Variants in PCDHA5 observed in about 807,000 individuals in gnomAD.
PCDHA5 encodes the protein protocadherin alpha 5.
In PCDHA5, 43 loss-of-function variants were observed where a neutral mutation model predicts 61.6. The ratio of observed to expected loss-of-function variants is 0.70; its 90% CI spans 0.55 to 0.90. PCDHA5 has a LOEUF of 0.90. Among genes scored for constraint, PCDHA5 ranks in the 40% least tolerant of loss-of-function variants. The pLI, the probability that PCDHA5 is intolerant of heterozygous loss-of-function variation, is 0.00. For missense variants in PCDHA5, 1,298 were observed against 1,222.7 expected (o/e 1.06, Z -0.92); for synonymous variants, 627 against 543.9 (o/e 1.15, Z -2.13).
intron 1 of PCDHA5, among the ~76,000 whole-genome samples, chr5:140,933,321 C>T (rs1266539168): frequency 2.6e-5 from 4 of 151,928 alleles, no homozygotes; most frequent in Non-Finnish European, 5.9e-5. Context: ...CTCGTATTCT[C>T]CTGTGCTGTA....
Position 140,842,183 on chromosome 5 carries a change from A to G in PCDHA5, c.2352+18056A>G, listed in dbSNP as rs1554138845. On this transcript the variant is annotated intron_variant, in intron 1 of 3. Transcript: ENST00000529859. ...TTCTTTTAATAGCCTTGTTGAAACT[A>G]TGGTTATTGACCACTTTAGCATAGA... is the stretch of plus-strand genomic sequence containing the variant. The G allele has an allele frequency of 1.9e-6, 3 of 1,613,754 alleles. No individual in the cohort carries two copies. In the East Asian group the frequency reaches 6.7e-5, roughly 36 times the overall value.
intron 1 of PCDHA5, chr5:140,926,752 C>T (rs1176032200): frequency 8.0e-7 from 1 of 1,254,344 alleles, no homozygotes; most frequent in Admixed American, 3.6e-5. Context: ...CGTCGGCGGT[C>T]GCTGAGTATC....
intron 1 of PCDHA5, chr5:140,836,379 C>T (rs2150259226): frequency 6.2e-7 from 1 of 1,613,734 alleles, no homozygotes; most frequent in Non-Finnish European, 8.5e-7. Context: ...AGCCACCGTG[C>T]TGGTGTCGCT....
chr5:140,823,478 GA>G lies in PCDHA5; in HGVS notation c.1704del (p.Val569TrpfsTer8). 1.2e-6 allele frequency: 2 copies of G among 1,613,472 alleles called. No individual in the cohort carries two copies. The highest frequency in any genetic ancestry group is 4.5e-5 in the East Asian group (2 of 44,864). On this transcript the variant is annotated frameshift_variant, in exon 1 of 4. Transcript: ENST00000529859. LOFTEE classifies it high-confidence loss of function. ...AACGCGCCGGCGCTGCTGGTGCCTC[GA>G]GTGGGTGGCACCGGCGGCGCAGTGA... ...NDNAPALLVPRVGGTGGAVSE... is the reference protein window; with the variant it reads ...NDNAPALLVPXVGGTGGAVSE...
chr5:140,836,185 C>T, intron 1 of PCDHA5: 1 of 1,613,828 alleles, frequency 6.2e-7, no homozygotes, highest in Non-Finnish European at 8.5e-7. Context: ...GACGCTGACT[C>T]AGGCTACAAC....
rs1215327894 is a variant in PCDHA5 at position 140,868,871 on chromosome 5, A to T, written c.2352+44744A>T. On this transcript the variant is annotated intron_variant, in intron 1 of 3. Transcript: ENST00000529859. ...TTCTGTGGTGGTAAATGCAGTGCAC[A>T]GTACTCACAGTTTTAGGCGCAAGGT... 4.8e-6 allele frequency: 3 copies of T among 625,152 alleles called. No homozygotes were observed. In the Admixed American group the frequency reaches 9.8e-5, roughly 20 times the overall value. 38.7% of individuals were successfully genotyped at this position (625,152 alleles called of 1,614,324 possible).
chr5:140,967,278 G>A (rs2096121968), intron 1 of PCDHA5: 1 of 1,613,290 alleles, frequency 6.2e-7, no homozygotes. Flanking sequence ...CACATAGAGA[G>A]TGCGCAGGAC....
chr5:140,850,048 A>G (rs1554143688), intron 1 of PCDHA5: 1 of 1,596,376 alleles, frequency 6.3e-7, no homozygotes, highest in Admixed American at 1.7e-5. Flanking sequence ...GGCAAGGTGT[A>G]CGCGCTGCAG....
At chr5:140,851,866 C>G in intron 1 of PCDHA5, 1 of 976,572 alleles carries the variant, frequency 1.0e-6, no homozygotes, top group Non-Finnish European at 1.2e-6. Flanking sequence ...TCATACATAA[C>G]ACAAGGCAGA....
intron 1 of PCDHA5, among the ~76,000 whole-genome samples, chr5:140,887,801 G>C (rs1377550372): frequency 1.3e-5 from 2 of 151,856 alleles, no homozygotes; most frequent in Admixed American, 1.3e-4. Context: ...CTTTATTTTT[G>C]TCCATTTCTT....
At chr5:140,870,838 C>T (rs1554164743) in intron 1 of PCDHA5, 4 of 1,613,700 alleles carry the variant, frequency 2.5e-6, no homozygotes, top group Admixed American at 3.3e-5. Context: ...AGTTAACAAG[C>T]TAGTACCGCG....
At chr5:140,827,748 C>A (rs1290868920) in intron 1 of PCDHA5, among the ~76,000 whole-genome samples, 1 of 152,166 alleles carries the variant, frequency 6.6e-6, no homozygotes, top group Non-Finnish European at 1.5e-5. Context: ...AATTAGATCC[C>A]TTACTTTAAA....
intron 1 of PCDHA5, chr5:140,861,513 T>C: frequency 2.1e-6 from 1 of 470,750 alleles, no homozygotes; most frequent in East Asian, 6.2e-5. Flanking sequence ...CGAGGAGCTG[T>C]GTGGGAGGAT....
At chr5:140,976,818 G>A (rs782290955) in intron 1 of PCDHA5, among the ~76,000 whole-genome samples, 5 of 152,208 alleles carry the variant, frequency 3.3e-5, no homozygotes, top group Admixed American at 6.5e-5. Flanking sequence ...ATATGCATGT[G>A]TCTAATGAGC....
At chr5:140,942,544 G>A (rs546340510) in intron 1 of PCDHA5, among the ~76,000 whole-genome samples, 105 of 152,118 alleles carry the variant, frequency 6.9e-4, no homozygotes, top group African/African-American at 2.5e-3. Flanking sequence ...TATGGTGGGG[G>A]GTAGGGGGTT....
chr5:140,972,893 A>T (rs1452751778), intron 1 of PCDHA5, among the ~76,000 whole-genome samples: 1 of 151,858 alleles, frequency 6.6e-6, no homozygotes, highest in African/African-American at 2.4e-5. Context: ...CGATCTCTTG[A>T]CCTTGTGATC....
intron 1 of PCDHA5, chr5:140,857,268 T>C (rs1554149751): frequency 3.1e-6 from 5 of 1,598,704 alleles, no homozygotes; most frequent in Non-Finnish European, 3.4e-6. Flanking sequence ...TACTCATTGG[T>C]GCTGGACAGC....
intron 1 of PCDHA5, among the ~76,000 whole-genome samples, chr5:140,919,331 A>G (rs2079089725): frequency 6.6e-6 from 1 of 152,026 alleles, no homozygotes; most frequent in Non-Finnish European, 1.5e-5. Context: ...TTTACTTTCA[A>G]TCTGTTTGTA....
chr5:140,842,399 C>G, intron 1 of PCDHA5: 1 of 1,611,446 alleles, frequency 6.2e-7, no homozygotes, highest in Non-Finnish European at 8.5e-7. Flanking sequence ...CTTGCCTGTA[C>G]GTGAAGACGC....
Sources: allele counts gnomAD v4.1 joint callset (sites outside exome capture counted in the v4.1 genomes callset), GRCh38; gene constraint gnomAD v4.1.1; transcripts MANE v1.5; gene names NCBI Gene and HGNC (gene_info 2026-07-23, HGNC 2026-07-21).